COL11A1: variants seen among roughly 807,000 people sequenced by gnomAD.
COL11A1 encodes collagen type XI alpha 1 chain.
In COL11A1, 74 loss-of-function variants were observed where a neutral mutation model predicts 265.2. The ratio of observed to expected loss-of-function variants is 0.28; its 90% CI spans 0.23 to 0.34. The LOEUF is 0.34. Ranked by LOEUF, COL11A1 falls within the 10% of genes least tolerant of loss-of-function variation. The probability of loss-of-function intolerance (pLI) is 1.00; values close to 1 mark genes in which losing one functional copy is unlikely to be tolerated. For synonymous variants in COL11A1, 816 were observed against 727.6 expected (o/e 1.12, Z -1.96); for missense variants, 2,165 against 2,263.6 (o/e 0.96, Z 0.88).
rs562354853 is a variant in COL11A1, at chr1:102,964,838, G to T, written c.2916+649C>A. 1.4e-4 allele frequency among the ~76,000 whole-genome samples: 21 copies of T among 152,140 alleles called. 1 individual carries two copies. Among genetic ancestry groups the T allele is most frequent in the African/African-American group, 4.8e-4 (20 of 41,522 alleles). On this transcript the variant is annotated intron_variant, in intron 38 of 66. Coordinates refer to ENST00000370096, the MANE Select transcript of COL11A1 (RefSeq NM_001854.4). Reference sequence around the variant, plus strand: ...TGCCCATTCAATATGCTTTGCCAGGGAAGAAAAACATTATTTTCTATTACC... The same window carrying T: ...TGCCCATTCAATATGCTTTGCCAGGTAAGAAAAACATTATTTTCTATTACC...
At chr1:102,947,380 T>C (rs1351530111) in intron 41 of COL11A1, among the ~76,000 whole-genome samples, 1 of 152,054 alleles carries the variant, frequency 6.6e-6, no homozygotes, top group Non-Finnish European at 1.5e-5. Flanking sequence ...TTTCTAGGCT[T>C]TTTTTCAAAT....
intron 46 of COL11A1, among the ~76,000 whole-genome samples, chr1:102,925,650 A>G (rs181902371): frequency 5.3e-5 from 8 of 152,210 alleles, no homozygotes; most frequent in African/African-American, 1.9e-4. Flanking sequence ...TATTTCTCAG[A>G]TCTTATAGAC....
chr1:103,095,570 T>G (rs1673686304), intron 1 of COL11A1, among the ~76,000 whole-genome samples: 1 of 152,004 alleles, frequency 6.6e-6, no homozygotes, highest in Non-Finnish European at 1.5e-5. Context: ...GAGACAATAG[T>G]TGGCCCAGAA....
intron 48 of COL11A1, among the ~76,000 whole-genome samples, chr1:102,920,720 A>AATTG (rs1655891175): frequency 6.6e-6 from 1 of 152,214 alleles, no homozygotes; most frequent in African/African-American, 2.4e-5. Context: ...TAAGAATTAC[A>AATTG]TAATCCACGC....
intron 30 of COL11A1, among the ~76,000 whole-genome samples, chr1:102,984,692 C>A (rs908370834): frequency 6.6e-6 from 1 of 151,884 alleles, no homozygotes; most frequent in East Asian, 1.9e-4. Flanking sequence ...GTAAGTAAAC[C>A]TAGATATGCA....
intron 49 of COL11A1, among the ~76,000 whole-genome samples, chr1:102,919,555 T>C (rs1250075658): frequency 1.3e-5 from 2 of 152,014 alleles, no homozygotes; most frequent in Non-Finnish European, 2.9e-5. Flanking sequence ...ATGTTATAAA[T>C]ATAATTCTTC....
intron 62 of COL11A1, among the ~76,000 whole-genome samples, chr1:102,888,009 C>T (rs893435394): frequency 6.6e-6 from 1 of 152,092 alleles, no homozygotes; most frequent in Non-Finnish European, 1.5e-5. Context: ...GAGCCACCGA[C>T]TCTGTGGTAC....
At chr1:103,063,312 G>T (rs1027674016) in intron 4 of COL11A1, among the ~76,000 whole-genome samples, 1 of 151,964 alleles carries the variant, frequency 6.6e-6, no homozygotes, top group African/African-American at 2.4e-5. Context: ...CTGACTTTAA[G>T]ACTTAATATA....
At chr1:103,033,554 T>A (rs1330423107) in intron 4 of COL11A1, among the ~76,000 whole-genome samples, 1 of 151,868 alleles carries the variant, frequency 6.6e-6, no homozygotes, top group East Asian at 1.9e-4. Context: ...ATAAATTACA[T>A]CTTTACATAC....
intron 1 of COL11A1, among the ~76,000 whole-genome samples, chr1:103,107,851 C>T (rs1674830217): frequency 6.6e-6 from 1 of 152,054 alleles, no homozygotes; most frequent in African/African-American, 2.4e-5. Flanking sequence ...TCTTTTTTTC[C>T]TGCTACCTAC....
intron 46 of COL11A1, among the ~76,000 whole-genome samples, chr1:102,933,955 C>A (rs569429278): frequency 6.6e-6 from 1 of 151,498 alleles, no homozygotes; most frequent in African/African-American, 2.5e-5. Context: ...GGCTCGCACA[C>A]GGTGCGCGCA....
rs182831925 is a variant in COL11A1, at chr1:103,001,381, C to A, written c.2142+544G>T. ...GCCAGATAGAAATGTGCTATGACTA[C>A]AGGGGACAAAATATTACTCAAGGAA... On this transcript the variant is annotated intron_variant, in intron 24 of 66. Transcript: ENST00000370096. 2.4e-3 allele frequency: 971 copies of A among 398,524 alleles called. 6 individuals are homozygous for A. Among genetic ancestry groups the A allele is most frequent in the African/African-American group, 0.017 (838 of 48,602 alleles). 24.7% of individuals were successfully genotyped at this position (398,524 alleles called of 1,614,324 possible). A position where few individuals can be genotyped will look rare whatever the true frequency, so the allele number is the denominator to read the frequency against.
chr1:102,988,783 A>C (rs1663830189), intron 29 of COL11A1, among the ~76,000 whole-genome samples: 1 of 152,154 alleles, frequency 6.6e-6, no homozygotes, highest in Admixed American at 6.6e-5. Context: ...GCAGCTTTGG[A>C]AATTACTGTT....
At chr1:102,923,496 G>T in intron 46 of COL11A1, 107 bp from the exon 47 acceptor site, 1 of 832,288 alleles carries the variant, frequency 1.2e-6, no homozygotes, top group Non-Finnish European at 1.9e-6. Flanking sequence ...TAAGTACATG[G>T]AAATTAAGAT....
intron 36 of COL11A1, among the ~76,000 whole-genome samples, chr1:102,970,699 A>T (rs1570905645): frequency 1.3e-5 from 2 of 152,200 alleles, no homozygotes; most frequent in East Asian, 3.9e-4. Flanking sequence ...CTCTAGTGGT[A>T]ATCCGAGCTT....
At chr1:103,014,221 T>A (rs776380047) in intron 13 of COL11A1, among the ~76,000 whole-genome samples, 2 of 152,002 alleles carry the variant, frequency 1.3e-5, no homozygotes, top group African/African-American at 4.8e-5. Context: ...GGTGTAAATA[T>A]ATCAATACTC....
rs935729283 is a variant in COL11A1 at position 102,990,192 on chromosome 1, C to A, written c.2341-621G>T. Reference sequence around the variant, plus strand: ...GAGCAAGAACTTCTCCCCCCAACAACAACAACAAGAACAACAACAACAAAA... The same window carrying A: ...GAGCAAGAACTTCTCCCCCCAACAAAAACAACAAGAACAACAACAACAAAA... On this transcript the variant is annotated intron_variant, in intron 28 of 66. Coordinates refer to ENST00000370096, the MANE Select transcript of COL11A1 (RefSeq NM_001854.4). Among the ~76,000 whole-genome samples the A allele has an allele frequency of 2.0e-5, 3 of 151,956 alleles. No individual in the cohort carries two copies. In the South Asian group the frequency reaches 6.2e-4, roughly 32 times the overall value.
At chr1:103,071,665 C>T (rs1440311629) in intron 4 of COL11A1, among the ~76,000 whole-genome samples, 2 of 150,904 alleles carry the variant, frequency 1.3e-5, no homozygotes, top group South Asian at 2.1e-4. Flanking sequence ...ACAGACGGAC[C>T]CATGAGGACT....
At chr1:103,026,112 G>T in intron 6 of COL11A1, 104 bp downstream of exon 6, 3 of 1,191,826 alleles carry the variant, frequency 2.5e-6, no homozygotes, top group Non-Finnish European at 3.8e-6. Context: ...AGAGAAATAA[G>T]ATGAATGAAA....
Sources: gnomAD v4.1 joint callset for allele counts (sites outside exome capture counted in the v4.1 genomes callset) on GRCh38, gnomAD v4.1.1 for gene constraint, MANE v1.5 for transcripts, NCBI Gene and HGNC (gene_info 2026-07-23, HGNC 2026-07-21) for gene names.